The following PTPDC1 variants were observed in gnomAD, a reference collection of about 807,000 sequenced individuals.
PTPDC1 encodes protein tyrosine phosphatase domain-containing protein 1.
PTPDC1 carries 53 observed loss-of-function variants against 75.3 expected under a neutral mutation model. The observed-to-expected ratio is 0.70, with a 90% CI of 0.56 to 0.88. PTPDC1 has a LOEUF of 0.88. PTPDC1 is among the 40% of genes least tolerant of loss of function. PTPDC1 has a pLI of 0.00. For synonymous variants in PTPDC1, 349 were observed against 366.2 expected, an observed-to-expected ratio of 0.95 and a Z score of 0.54; for missense variants, 925 against 998.6, an observed-to-expected ratio of 0.93 and a Z score of 0.99.
rs1262576886 is a variant in PTPDC1, at chr9:94,084,633, C to G, written c.103C>G (p.Gln35Glu). 28 of 1,613,378 alleles carry G rather than the reference C, an allele frequency of 1.7e-5. No homozygotes were observed. The highest frequency in any genetic ancestry group is 2.3e-5 in the Non-Finnish European group (27 of 1,179,754). The part of the protein sequence containing the change: ...HSTSDPVLRL[Q>E]QARRGSGLGS... Reference sequence around the variant, plus strand: ...CACCTCAGACCCAGTACTGCGGCTGCAGCAGGCCCGGCGGGGCTCTGGCTT... The same window carrying G: ...CACCTCAGACCCAGTACTGCGGCTGGAGCAGGCCCGGCGGGGCTCTGGCTT... The change falls in exon 1 of 9, where the codon CAG (glutamine) becomes GAG (glutamate). Residue 35 changes from glutamine (Q) to glutamate (E), a missense_variant. By Grantham distance (29) the Gln-to-Glu change is conservative. Transcript: ENST00000620992.
intron 1 of PTPDC1, among the ~76,000 whole-genome samples, chr9:94,058,924 G>T (rs1298954154): frequency 6.6e-6 from 1 of 152,206 alleles, no homozygotes; most frequent in Admixed American, 6.5e-5. Flanking sequence ...CCAGGAGGTA[G>T]AAGTTGCAGT....
chr9:94,084,084 G>T (rs901002357), upstream of PTPDC1, among the ~76,000 whole-genome samples: 7 of 152,096 alleles, frequency 4.6e-5, no homozygotes, highest in Non-Finnish European at 1.0e-4. Context: ...GGAGTAGAAA[G>T]GTAATTTTTT....
At chr9:94,060,733 A>G (rs1011291645) in intron 1 of PTPDC1, among the ~76,000 whole-genome samples, 8 of 152,148 alleles carry the variant, frequency 5.3e-5, no homozygotes, top group African/African-American at 1.9e-4. Context: ...GCTGAATCCC[A>G]TGAGAACTCA....
chr9:94,073,255 GTTCAAGGATTTGATCCATTTC>G (rs983483955), intron 2 of PTPDC1, among the ~76,000 whole-genome samples: 54 of 152,298 alleles, frequency 3.5e-4, no homozygotes, highest in African/African-American at 1.3e-3. Context: ...AGTTGGCAGT[GTTCAAGGATTTGATCCATTTC>G]TTCTAAGTTG....
At chr9:94,086,879 A>T (rs1480301671) in intron 2 of PTPDC1, among the ~76,000 whole-genome samples, 1 of 152,240 alleles carries the variant, frequency 6.6e-6, no homozygotes, top group Non-Finnish European at 1.5e-5. Context: ...AACCAAGCCC[A>T]ACTGACTCTG....
At chr9:94,043,792 A>T (rs1183458895) in intron 1 of PTPDC1, among the ~76,000 whole-genome samples, 4 of 152,160 alleles carry the variant, frequency 2.6e-5, no homozygotes, top group Non-Finnish European at 5.9e-5. Context: ...TAGAAGTTTG[A>T]TAGTTTCTGC....
chr9:94,105,481 A>C (rs1827981532), intron 8 of PTPDC1, among the ~76,000 whole-genome samples: 1 of 152,116 alleles, frequency 6.6e-6, no homozygotes, highest in Non-Finnish European at 1.5e-5. Flanking sequence ...CATCCTGGCC[A>C]ACATGGTGAA....
intron 2 of PTPDC1, among the ~76,000 whole-genome samples, chr9:94,079,033 CTTT>C (rs1175654729): frequency 2.0e-5 from 3 of 152,126 alleles, no homozygotes; most frequent in Admixed American, 2.0e-4. Flanking sequence ...ATAGGTCATA[CTTT>C]TTTCTTTCTT....
chr9:94,085,468 G>A, intron 2 of PTPDC1, 46 bp downstream of exon 2: 3 of 1,601,874 alleles, frequency 1.9e-6, no homozygotes, highest in South Asian at 2.2e-5. Context: ...GATACAGGAA[G>A]GACACTCTGT....
At chr9:94,096,097 A>G (rs572561806) in intron 5 of PTPDC1, among the ~76,000 whole-genome samples, 1 of 152,244 alleles carries the variant, frequency 6.6e-6, no homozygotes, top group African/African-American at 2.4e-5. Context: ...TACTTAAAAC[A>G]TTCAGCTGAA....
At chr9:94,049,210 G>A (rs1564010985) in intron 1 of PTPDC1, among the ~76,000 whole-genome samples, 1 of 152,098 alleles carries the variant, frequency 6.6e-6, no homozygotes, top group Non-Finnish European at 1.5e-5. Context: ...TTACATTTAA[G>A]GTTAATATTG....
intron 1 of PTPDC1, among the ~76,000 whole-genome samples, chr9:94,049,771 AT>A (rs1212593422): frequency 1.3e-5 from 2 of 152,116 alleles, no homozygotes; most frequent in African/African-American, 2.4e-5. Flanking sequence ...GCCTTGCTAG[AT>A]TGGGGAAGTT....
chr9:94,032,560 A>G (rs1829748442), intron 1 of PTPDC1, among the ~76,000 whole-genome samples: 1 of 152,260 alleles, frequency 6.6e-6, no homozygotes, highest in African/African-American at 2.4e-5. Context: ...CCTGTGGAAC[A>G]GCTCTCATTT....
rs755239230 is a variant in PTPDC1, at chr9:94,098,616, G to A, written c.2013+37G>A. Reference sequence around the variant, plus strand: ...ACTTAATTTAATTATAGATATGTGGGAAATATTTATGTCAGGGCAAAAGTG... The same window carrying A: ...ACTTAATTTAATTATAGATATGTGGAAAATATTTATGTCAGGGCAAAAGTG... On this transcript the variant is annotated intron_variant, in intron 6 of 8. Transcript: ENST00000620992. The A allele has an allele frequency of 5.3e-6, 8 of 1,520,078 alleles. No individual in the cohort carries two copies. In the African/African-American group the frequency reaches 1.1e-4, roughly 21 times the overall value. 94.2% of individuals were successfully genotyped at this position (1,520,078 alleles called of 1,614,324 possible).
upstream of PTPDC1, among the ~76,000 whole-genome samples, chr9:94,083,383 C>T (rs1219938015): frequency 3.3e-5 from 5 of 151,606 alleles, no homozygotes; most frequent in African/African-American, 7.3e-5. Flanking sequence ...CTGTCTTATT[C>T]GACAAAAGTG....
chr9:94,104,418 C>G, intron 8 of PTPDC1, 33 bp downstream of exon 8: 1 of 1,378,130 alleles, frequency 7.3e-7, no homozygotes, highest in East Asian at 2.3e-5. Context: ...CCTCTCTGAA[C>G]CACAGATCAG....
intron 1 of PTPDC1, among the ~76,000 whole-genome samples, chr9:94,045,614 A>G (rs995920350): frequency 1.3e-5 from 2 of 151,984 alleles, no homozygotes; most frequent in African/African-American, 2.4e-5. Flanking sequence ...GCATTTTTTC[A>G]TGTGTCTTTT....
At chr9:94,074,000 T>C (rs1826596435) in intron 2 of PTPDC1, among the ~76,000 whole-genome samples, 1 of 152,234 alleles carries the variant, frequency 6.6e-6, no homozygotes, top group Non-Finnish European at 1.5e-5. Context: ...AGACACATTA[T>C]AATTAAAGTC....
chr9:94,072,303 G>A (rs541344657), intron 2 of PTPDC1, among the ~76,000 whole-genome samples: 11 of 152,148 alleles, frequency 7.2e-5, no homozygotes, highest in Non-Finnish European at 1.5e-4. Context: ...ACCACACCTG[G>A]CCTAGGTATT....
Sources: gnomAD v4.1 joint callset for allele counts (sites outside exome capture counted in the v4.1 genomes callset) on GRCh38, gnomAD v4.1.1 for gene constraint, MANE v1.5 for transcripts, NCBI Gene and HGNC (gene_info 2026-07-23, HGNC 2026-07-21) for gene names.